LRRC4C: variants seen among roughly 807,000 people sequenced by gnomAD.
LRRC4C encodes the protein leucine rich repeat containing 4C.
Under a neutral mutation model 33.6 loss-of-function variants are expected in LRRC4C, and 5 were observed. The ratio of observed to expected loss-of-function variants is 0.15; its 90% confidence interval spans 0.08 to 0.31. The LOEUF is 0.31. Among genes scored for constraint, LRRC4C ranks in the 10% least tolerant of loss-of-function variants. The probability of loss-of-function intolerance (pLI) is 1.00; values close to 1 mark genes in which losing one functional copy is unlikely to be tolerated. For synonymous variants in LRRC4C, 329 were observed against 302.0 expected (o/e 1.09, Z -0.93); for missense variants, 560 against 796.7 (o/e 0.70, Z 3.58).
chr11:41,411,459 C>A (rs1954487182), intron 1 of LRRC4C, among the ~76,000 whole-genome samples: 1 of 151,688 alleles, frequency 6.6e-6, no homozygotes, highest in African/African-American at 2.4e-5. Context: ...TGGTTGGTAC[C>A]CTATTGGATA....
chr11:41,297,594 C>T (rs915011283), intron 1 of LRRC4C, among the ~76,000 whole-genome samples: 2 of 152,104 alleles, frequency 1.3e-5, no homozygotes, highest in African/African-American at 4.8e-5. Flanking sequence ...AATGATATCC[C>T]TGCCCTTGCT....
At chr11:40,883,893 G>GA (rs1955304945) in intron 2 of LRRC4C, among the ~76,000 whole-genome samples, 1 of 146,236 alleles carries the variant, frequency 6.8e-6, no homozygotes, top group African/African-American at 2.5e-5. Flanking sequence ...CCATAAGCTA[G>GA]TTTTTTTTTT....
At chr11:40,198,644 C>A (rs940225436) in intron 5 of LRRC4C, among the ~76,000 whole-genome samples, 1 of 152,194 alleles carries the variant, frequency 6.6e-6, no homozygotes, top group Admixed American at 6.5e-5. Flanking sequence ...TCTTATTTAG[C>A]ATAGGCACCC....
chr11:40,834,679 C>T (rs1368343652), intron 2 of LRRC4C, among the ~76,000 whole-genome samples: 3 of 151,982 alleles, frequency 2.0e-5, no homozygotes, highest in African/African-American at 4.8e-5. Context: ...CAGAAGTCAA[C>T]GATTCCATAA....
chr11:41,234,741 C>T (rs1330425316), intron 1 of LRRC4C, among the ~76,000 whole-genome samples: 1 of 151,878 alleles, frequency 6.6e-6, no homozygotes, highest in African/African-American at 2.4e-5. Flanking sequence ...AATTATTTCT[C>T]CAAAAACTCA....
chr11:40,789,943 A>T (rs1950559881), intron 2 of LRRC4C, among the ~76,000 whole-genome samples: 1 of 152,212 alleles, frequency 6.6e-6, no homozygotes. Context: ...TTCAAATAAG[A>T]GATACATGTG....
At chr11:40,633,913 T>C (rs1295476389) in intron 3 of LRRC4C, among the ~76,000 whole-genome samples, 5 of 152,158 alleles carry the variant, frequency 3.3e-5, no homozygotes, top group East Asian at 1.9e-4. Flanking sequence ...TATGTGAAAA[T>C]GAATTCCTGA....
chr11:40,313,770 G>T (rs1346589208), intron 4 of LRRC4C, among the ~76,000 whole-genome samples: 3 of 23,494 alleles, frequency 1.3e-4, no homozygotes, highest in Non-Finnish European at 2.2e-4. Flanking sequence ...ATCATGCCTG[G>T]CTATTTTTTT....
chr11:41,049,390 C>T (rs78315752), intron 1 of LRRC4C, among the ~76,000 whole-genome samples: 2,147 of 152,190 alleles, frequency 0.014, 32 homozygotes, highest in African/African-American at 0.032. Context: ...TATAAATTAC[C>T]CAGTCTCTGG....
intron 1 of LRRC4C, among the ~76,000 whole-genome samples, chr11:41,190,394 G>A (rs902613101): frequency 6.6e-6 from 1 of 152,176 alleles, no homozygotes; most frequent in Non-Finnish European, 1.5e-5. Context: ...GTAAACAAGA[G>A]GGAGAATCCA....
chr11:41,017,256 C>T (rs1565304760), intron 1 of LRRC4C, among the ~76,000 whole-genome samples: 6 of 152,174 alleles, frequency 3.9e-5, no homozygotes, highest in Admixed American at 3.3e-4. Context: ...CTATCAGAGG[C>T]TTTGCAACCA....
intron 1 of LRRC4C, among the ~76,000 whole-genome samples, chr11:41,060,087 G>T (rs1275850742): frequency 6.6e-6 from 1 of 152,146 alleles, no homozygotes; most frequent in African/African-American, 2.4e-5. Flanking sequence ...AAGATCCTCA[G>T]TTGGCTTATA....
At chr11:40,311,836 T>C (rs979793447) in intron 4 of LRRC4C, among the ~76,000 whole-genome samples, 15 of 151,470 alleles carry the variant, frequency 9.9e-5, no homozygotes, top group African/African-American at 2.9e-4. Flanking sequence ...TCCCAGCTAC[T>C]TGGGAGGCTG....
chr11:40,659,520 A>G (rs917580080), intron 2 of LRRC4C, among the ~76,000 whole-genome samples: 2 of 152,132 alleles, frequency 1.3e-5, no homozygotes, highest in African/African-American at 4.8e-5. Flanking sequence ...CCATGGACCA[A>G]TCAGCATGCA....
chr11:40,190,434 T>A (rs147447307), intron 5 of LRRC4C, among the ~76,000 whole-genome samples: 1 of 152,350 alleles, frequency 6.6e-6, no homozygotes, highest in Non-Finnish European at 1.5e-5. Flanking sequence ...TGGGAACCAC[T>A]GGCCGAAGGA....
intron 2 of LRRC4C, among the ~76,000 whole-genome samples, chr11:40,851,953 T>A (rs1345876392): frequency 6.6e-6 from 1 of 152,138 alleles, no homozygotes; most frequent in Admixed American, 6.6e-5. Flanking sequence ...AACAAACTCA[T>A]TTAAAAGGAG....
At chr11:40,461,771 G>A (rs903636783) in intron 3 of LRRC4C, among the ~76,000 whole-genome samples, 16 of 150,072 alleles carry the variant, frequency 1.1e-4, no homozygotes, top group African/African-American at 3.2e-4. Flanking sequence ...AGTCTTACAC[G>A]GACCTTGTAT....
intron 4 of LRRC4C, among the ~76,000 whole-genome samples, chr11:40,250,653 C>T (rs1442979482): frequency 2.6e-5 from 4 of 151,992 alleles, no homozygotes; most frequent in Non-Finnish European, 5.9e-5. Context: ...GCAGGAGAAT[C>T]GCTTGAACCC....
At chr11:41,231,909 C>T (rs2136467415) in intron 1 of LRRC4C, among the ~76,000 whole-genome samples, 1 of 151,710 alleles carries the variant, frequency 6.6e-6, no homozygotes, top group African/African-American at 2.4e-5. Flanking sequence ...TTTTCTTTGC[C>T]TATAGGACAA....
Sources: gnomAD v4.1 joint callset for allele counts (sites outside exome capture counted in the v4.1 genomes callset) on GRCh38, gnomAD v4.1.1 for gene constraint, MANE v1.5 for transcripts, NCBI Gene and HGNC (gene_info 2026-07-23, HGNC 2026-07-21) for gene names.